The following AKAP12 variants were observed in gnomAD, a reference collection of about 807,000 sequenced individuals.
The protein encoded by AKAP12 is A-kinase anchor protein 12.
Under a neutral mutation model 79.9 loss-of-function variants are expected in AKAP12, and 32 were observed. That is an observed-to-expected ratio of 0.40 (90% CI 0.30 to 0.54). The LOEUF (loss-of-function observed/expected upper bound fraction) is 0.54, where lower values mean the gene tolerates loss of function less well. Among genes scored for constraint, AKAP12 ranks in the 20% least tolerant of loss-of-function variants. AKAP12 has a pLI of 0.48. For missense variants in AKAP12, 2,074 were observed against 2,177.0 expected, an observed-to-expected ratio of 0.95 and a Z score of 0.94; for synonymous variants, 808 against 857.0, an observed-to-expected ratio of 0.94 and a Z score of 1.00.
At chr6:151,322,799 T>C (rs17081122) in intron 3 of AKAP12, among the ~76,000 whole-genome samples, 4,721 of 148,092 alleles carry the variant, frequency 0.032, 219 homozygotes, top group African/African-American at 0.12. Flanking sequence ...AGGCCAGGGA[T>C]AGTATCTCAT....
In AKAP12 at chr6:151,323,164, G is replaced by A. The variant is rs3798772; in HGVS notation, c.319+17261G>A. On this transcript the variant is annotated intron_variant, in intron 3 of 4. Transcript: ENST00000402676. ...CACCCTGTCCTTGATCATTCTTAGA[G>A]GTAGAGATCAAAGGAGACCCATTGG... Among the ~76,000 whole-genome samples, 44 of 152,294 alleles carry A rather than the reference G, an allele frequency of 2.9e-4. 2 individuals carry two copies. In the East Asian group the frequency reaches 8.1e-3, roughly 28 times the overall value.
intron 2 of AKAP12, among the ~76,000 whole-genome samples, chr6:151,253,787 A>G (rs138784325): frequency 6.6e-6 from 1 of 151,874 alleles, no homozygotes; most frequent in East Asian, 1.9e-4. Context: ...GCTCACTGTG[A>G]CCTCTGCCTC....
intron 2 of AKAP12, among the ~76,000 whole-genome samples, chr6:151,285,626 G>C (rs997624889): frequency 1.3e-5 from 2 of 152,140 alleles, no homozygotes; most frequent in Non-Finnish European, 1.5e-5. Flanking sequence ...AAAAAGGGGG[G>C]AGGATTATGT....
intron 3 of AKAP12, among the ~76,000 whole-genome samples, chr6:151,348,085 G>A (rs1778153276): frequency 1.3e-5 from 2 of 151,964 alleles, no homozygotes; most frequent in Admixed American, 1.3e-4. Flanking sequence ...CCCAGGAGGC[G>A]GAGCTTGCAG....
chr6:151,304,198 A>AC (rs1776924526), intron 2 of AKAP12, among the ~76,000 whole-genome samples: 1 of 152,046 alleles, frequency 6.6e-6, no homozygotes, highest in Non-Finnish European at 1.5e-5. Context: ...TAAAAATACG[A>AC]CCAAGAGCAA....
intron 2 of AKAP12, among the ~76,000 whole-genome samples, chr6:151,280,818 A>G (rs1776390391): frequency 6.6e-6 from 1 of 151,852 alleles, no homozygotes; most frequent in Non-Finnish European, 1.5e-5. Flanking sequence ...TTTCTTTTTG[A>G]AAATATTGTA....
intron 3 of AKAP12, 31 bp from the exon 4 acceptor site, chr6:151,348,680 T>TTTCCC: frequency 5.6e-6 from 2 of 355,202 alleles, no homozygotes; most frequent in Admixed American, 4.2e-5. Context: ...TTTTCTCTTC[T>TTTCCC]CCCCACCCCC....
intron 2 of AKAP12, among the ~76,000 whole-genome samples, chr6:151,290,799 G>A (rs556708211): frequency 6.0e-4 from 91 of 152,148 alleles, no homozygotes; most frequent in African/African-American, 2.1e-3. Context: ...TAGTAGAGAC[G>A]GGGTTTCTCC....
At chr6:151,331,884 CAA>C (rs565268957) in intron 3 of AKAP12, among the ~76,000 whole-genome samples, 11 of 94,106 alleles carry the variant, frequency 1.2e-4, no homozygotes, top group Admixed American at 1.2e-4. Context: ...GACTCCGTCT[CAA>C]AAAAAAAAAA....
At chr6:151,293,515 G>A (rs1261268811) in intron 2 of AKAP12, among the ~76,000 whole-genome samples, 6 of 152,220 alleles carry the variant, frequency 3.9e-5, no homozygotes, top group African/African-American at 1.4e-4. Context: ...GCTGGTAGGT[G>A]CATCAGCTCA....
chr6:151,269,573 A>G (rs1035181624), intron 2 of AKAP12, among the ~76,000 whole-genome samples: 1 of 152,154 alleles, frequency 6.6e-6, no homozygotes, highest in Admixed American at 6.6e-5. Context: ...CTTGTTTATG[A>G]TTAATAGGAA....
intron 2 of AKAP12, among the ~76,000 whole-genome samples, chr6:151,296,629 T>C (rs1401325702): frequency 6.6e-6 from 1 of 152,042 alleles, no homozygotes; most frequent in Non-Finnish European, 1.5e-5. Flanking sequence ...ATACAAAAAT[T>C]AGCCGAGTGT....
intron 2 of AKAP12, among the ~76,000 whole-genome samples, chr6:151,285,718 T>C (rs1021292259): frequency 6.6e-6 from 1 of 152,112 alleles, no homozygotes; most frequent in Non-Finnish European, 1.5e-5. Context: ...TTTGTACAGT[T>C]TGATGAAGAA....
chr6:151,316,483 G>A (rs1216129419), intron 3 of AKAP12, among the ~76,000 whole-genome samples: 1 of 152,196 alleles, frequency 6.6e-6, no homozygotes, highest in African/African-American at 2.4e-5. Context: ...TCTGGAGGCT[G>A]GAGGTCCGAG....
intron 3 of AKAP12, among the ~76,000 whole-genome samples, chr6:151,321,698 A>G (rs1309302615): frequency 1.3e-5 from 2 of 152,028 alleles, no homozygotes; most frequent in African/African-American, 2.4e-5. Flanking sequence ...TCTTGGTTAT[A>G]TGTCTAGGAG....
At chr6:151,240,938 C>G (rs1485537654) in intron 2 of AKAP12, among the ~76,000 whole-genome samples, 1 of 152,182 alleles carries the variant, frequency 6.6e-6, no homozygotes, top group Non-Finnish European at 1.5e-5. Flanking sequence ...GGGGGGCTTG[C>G]ATCTTTGTCG....
chr6:151,347,027 C>T (rs746107269), intron 3 of AKAP12, among the ~76,000 whole-genome samples: 22 of 152,086 alleles, frequency 1.4e-4, no homozygotes, highest in Non-Finnish European at 2.6e-4. Flanking sequence ...TTCTTTTTCA[C>T]ATCAGACGAG....
chr6:151,243,458 A>G (rs1348739176), intron 2 of AKAP12, among the ~76,000 whole-genome samples: 1 of 152,208 alleles, frequency 6.6e-6, no homozygotes, highest in Non-Finnish European at 1.5e-5. Context: ...CTGAACAGAC[A>G]TTACACTGGT....
chr6:151,244,813 C>T (rs1235606153), intron 2 of AKAP12, among the ~76,000 whole-genome samples: 2 of 152,092 alleles, frequency 1.3e-5, no homozygotes, highest in African/African-American at 4.8e-5. Context: ...GAACAGAGAC[C>T]AAAAATTGGA....
Sources: gnomAD v4.1 joint callset for allele counts (sites outside exome capture counted in the v4.1 genomes callset) on GRCh38, gnomAD v4.1.1 for gene constraint, MANE v1.5 for transcripts, NCBI Gene and HGNC (gene_info 2026-07-23, HGNC 2026-07-21) for gene names.